The following SLC39A11 variants were observed in gnomAD, a reference collection of about 807,000 sequenced individuals.
The protein encoded by SLC39A11 is solute carrier family 39 member 11, also known as zinc transporter ZIP11.
A neutral mutation model predicts 36.1 loss-of-function variants in SLC39A11; 33 were observed. The observed-to-expected ratio is 0.91, with a 90% CI of 0.69 to 1.22. SLC39A11 has a LOEUF of 1.22. SLC39A11 is among the 50% of genes most tolerant of loss of function. The pLI, the probability that SLC39A11 is intolerant of heterozygous loss-of-function variation, is 0.00. For synonymous variants in SLC39A11, 166 were observed against 170.3 expected (o/e 0.97, Z 0.20); for missense variants, 432 against 430.3 (o/e 1.00, Z -0.03).
chr17:72,734,235 A>G (rs1013323448), intron 7 of SLC39A11, among the ~76,000 whole-genome samples: 1 of 152,168 alleles, frequency 6.6e-6, no homozygotes, highest in Non-Finnish European at 1.5e-5. Context: ...GATGCCAGAC[A>G]TTTAGAGAGG....
intron 4 of SLC39A11, among the ~76,000 whole-genome samples, chr17:72,985,153 G>A (rs915339208): frequency 8.5e-5 from 13 of 152,192 alleles, no homozygotes; most frequent in Non-Finnish European, 1.8e-4. Flanking sequence ...AAGGCACCAG[G>A]TACAAGGCAA....
chr17:73,020,874 G>A lies in SLC39A11; in HGVS notation c.306+10682C>T, dbSNP rs975429053. On this transcript the variant is annotated intron_variant, in intron 4 of 9. Transcript: ENST00000255559. ...ATTTTTGTACTTTTAGTAGAGACAG[G>A]GTTTTACCATATTGGCCAGTCTGGT... is the stretch of plus-strand genomic sequence containing the variant. Among the ~76,000 whole-genome samples the A allele has an allele frequency of 1.1e-3, 164 of 151,768 alleles. 2 individuals are homozygous for A. The highest frequency in any genetic ancestry group is 1.5e-4 in the Non-Finnish European group (10 of 67,894).
chr17:73,056,128 C>T (rs2059659645), intron 3 of SLC39A11, among the ~76,000 whole-genome samples: 2 of 151,824 alleles, frequency 1.3e-5, no homozygotes, highest in Non-Finnish European at 2.9e-5. Flanking sequence ...CACAGAGCCC[C>T]GAGGGTGGTG....
intron 4 of SLC39A11, among the ~76,000 whole-genome samples, chr17:72,956,306 G>C (rs2086246186): frequency 6.6e-6 from 1 of 152,110 alleles, no homozygotes; most frequent in African/African-American, 2.4e-5. Flanking sequence ...TCAAAATCAA[G>C]CGTATTTAAG....
chr17:73,091,921 G>T (rs2060937291), intron 1 of SLC39A11: 1 of 152,184 alleles, frequency 6.6e-6, no homozygotes, highest in Non-Finnish European at 1.5e-5. Context: ...CCGCTTCCAA[G>T]AGTCAGTTCA....
In SLC39A11 at chr17:72,684,922, C is replaced by T. The variant is rs79256914; in HGVS notation, c.672-35654G>A. ...AGGCCCCCCGGGGGTTCTGATGACACGTTAAGCTCATAGGCCATGTGGCAA... is the reference window on the plus strand; with the variant it reads ...AGGCCCCCCGGGGGTTCTGATGACATGTTAAGCTCATAGGCCATGTGGCAA... On this transcript the variant is annotated intron_variant, in intron 7 of 9. Transcript: ENST00000255559. Among the ~76,000 whole-genome samples, 803 of 152,290 alleles carry T rather than the reference C, an allele frequency of 5.3e-3. 7 individuals carry two copies. The highest frequency in any genetic ancestry group is 0.017 in the African/African-American group (719 of 41,558).
chr17:72,721,131 CT>C (rs1461692734), intron 7 of SLC39A11, among the ~76,000 whole-genome samples: 2 of 136,312 alleles, frequency 1.5e-5, no homozygotes, highest in Admixed American at 7.9e-5. Flanking sequence ...AGGTCTTGCT[CT>C]GTTGCCCAGG....
chr17:72,715,004 G>A (rs1470042101), intron 7 of SLC39A11, among the ~76,000 whole-genome samples: 4 of 152,170 alleles, frequency 2.6e-5, no homozygotes, highest in Admixed American at 6.5e-5. Flanking sequence ...GCCCCTTCAC[G>A]CTCACAATTT....
At chr17:72,910,762 A>G (rs1355691502) in intron 5 of SLC39A11, among the ~76,000 whole-genome samples, 5 of 124,262 alleles carry the variant, frequency 4.0e-5, no homozygotes, top group Non-Finnish European at 9.0e-5. Context: ...CCTCATCTCT[A>G]CTAAAAATAT....
At chr17:72,807,853 G>C (rs2077312657) in intron 6 of SLC39A11, among the ~76,000 whole-genome samples, 1 of 152,134 alleles carries the variant, frequency 6.6e-6, no homozygotes, top group African/African-American at 2.4e-5. Flanking sequence ...GGGGTCGTGG[G>C]AACCCCTGAT....
At chr17:72,778,928 C>A (rs1053625973) in intron 6 of SLC39A11, among the ~76,000 whole-genome samples, 1 of 152,160 alleles carries the variant, frequency 6.6e-6, no homozygotes, top group African/African-American at 2.4e-5. Flanking sequence ...AGTCCATGTG[C>A]TATAGGGCAT....
chr17:72,721,884 C>T (rs1202646967), intron 7 of SLC39A11, among the ~76,000 whole-genome samples: 4 of 147,656 alleles, frequency 2.7e-5, no homozygotes, highest in East Asian at 2.0e-4. Flanking sequence ...GGAGGAGAAT[C>T]GCTTGAACCT....
intron 5 of SLC39A11, among the ~76,000 whole-genome samples, chr17:72,883,986 C>T (rs909919760): frequency 6.6e-6 from 1 of 152,088 alleles, no homozygotes; most frequent in Non-Finnish European, 1.5e-5. Context: ...AAAACTCTGT[C>T]TCTACAAAAA....
intron 4 of SLC39A11, among the ~76,000 whole-genome samples, chr17:72,961,953 T>G (rs1249226403): frequency 6.6e-6 from 1 of 152,208 alleles, no homozygotes; most frequent in East Asian, 1.9e-4. Context: ...AAGCTGTGGC[T>G]TTGAAGAACG....
At chr17:73,031,511 C>A in intron 4 of SLC39A11, 45 bp downstream of exon 4, 1 of 1,602,596 alleles carries the variant, frequency 6.2e-7, no homozygotes, top group Non-Finnish European at 8.5e-7. Context: ...TTGCACAGAG[C>A]TGGTTGTATC....
chr17:72,657,360 AAAAC>A (rs776334318), intron 7 of SLC39A11, among the ~76,000 whole-genome samples: 47 of 152,202 alleles, frequency 3.1e-4, no homozygotes, highest in African/African-American at 5.1e-4. Flanking sequence ...ATTCTGCCTC[AAAAC>A]AAACAAACAA....
chr17:72,918,346 T>A (rs994137064), intron 5 of SLC39A11, among the ~76,000 whole-genome samples: 1 of 151,878 alleles, frequency 6.6e-6, no homozygotes, highest in Non-Finnish European at 1.5e-5. Context: ...GAGGTGGAGG[T>A]TGCAGTGAGC....
intron 3 of SLC39A11, among the ~76,000 whole-genome samples, chr17:73,082,836 C>T (rs899418396): frequency 1.6e-5 from 2 of 123,824 alleles, no homozygotes; most frequent in Non-Finnish European, 3.3e-5. Context: ...CACGGCAAAA[C>T]CCCATCTCTA....
chr17:72,932,574 C>A (rs531466476), intron 5 of SLC39A11, among the ~76,000 whole-genome samples: 1 of 151,702 alleles, frequency 6.6e-6, no homozygotes, highest in Non-Finnish European at 1.5e-5. Flanking sequence ...TGCTCAATGA[C>A]TCAATAAGAA....
Sources: gnomAD v4.1 joint callset for allele counts (sites outside exome capture counted in the v4.1 genomes callset) on GRCh38, gnomAD v4.1.1 for gene constraint, MANE v1.5 for transcripts, NCBI Gene and HGNC (gene_info 2026-07-23, HGNC 2026-07-21) for gene names.